CLCA4: variants seen among roughly 807,000 people sequenced by gnomAD.
The protein encoded by CLCA4 is chloride channel accessory 4.
Under a neutral mutation model 78.9 loss-of-function variants are expected in CLCA4, and 69 were observed. That is an observed-to-expected ratio of 0.87 (90% CI 0.72 to 1.07). The LOEUF is 1.07. Ranked by LOEUF, CLCA4 falls within the 50% of genes least tolerant of loss-of-function variation. CLCA4 has a pLI of 0.00. For synonymous variants in CLCA4, 362 were observed against 375.8 expected (o/e 0.96, Z 0.42); for missense variants, 1,133 against 1,095.8 (o/e 1.03, Z -0.48).
chr1:86,571,418 C>G (rs1438368206), intron 8 of CLCA4, 164 bp downstream of exon 8: 2 of 543,058 alleles, frequency 3.7e-6, no homozygotes, highest in Admixed American at 3.2e-5. Flanking sequence ...GCTGGAGAGA[C>G]AAATAAAACT....
In CLCA4 at chr1:86,566,023, A is replaced by C. The variant is rs762469356; in HGVS notation, c.954+3A>C. The C allele has an allele frequency of 3.9e-5, 63 of 1,609,504 alleles. 1 individual carries two copies. The highest frequency in any genetic ancestry group is 4.9e-5 in the Non-Finnish European group (58 of 1,176,818). On this transcript the variant is annotated splice_donor_region_variant and intron_variant, in intron 6 of 13. Transcript: ENST00000370563. Reference sequence around the variant, plus strand: ...TTGATAAGTCTGGAAGCATGGGGGTAAGATCACTTTTTCTGGATATAGGGA... The same window carrying C: ...TTGATAAGTCTGGAAGCATGGGGGTCAGATCACTTTTTCTGGATATAGGGA...
In CLCA4 at chr1:86,565,896, G is replaced by T. The variant is rs758951749; in HGVS notation, c.830G>T (p.Ser277Ile). Residue 277 changes from serine to isoleucine, a missense_variant, in exon 6 of 14, where the codon AGC becomes ATC. Ser to Ile is a moderately radical substitution (Grantham distance 142). Coordinates refer to ENST00000370563, the MANE Select transcript of CLCA4 (RefSeq NM_012128.4). ...CNFRSTWEVISNSEDFKNTIP... is the reference protein window; with the variant it reads ...CNFRSTWEVIINSEDFKNTIP... ...TTTAGAAGTACATGGGAGGTGATTA[G>T]CAATTCTGAGGATTTTAAAAACACC... 6.2e-7 allele frequency: 1 copy of T among 1,612,186 alleles called. No homozygotes were observed. Among genetic ancestry groups the T allele is most frequent in the Non-Finnish European group, 8.5e-7 (1 of 1,178,544 alleles).
At chr1:86,552,662 A>G in intron 1 of CLCA4, 1 of 864,910 alleles carries the variant, frequency 1.2e-6, no homozygotes, top group Non-Finnish European at 1.9e-6. Flanking sequence ...CAGCTCGCCC[A>G]GATCGGACTT....
At chr1:86,561,080 G>A (rs760323587) in intron 3 of CLCA4, among the ~76,000 whole-genome samples, 55 of 152,124 alleles carry the variant, frequency 3.6e-4, no homozygotes, top group Non-Finnish European at 1.3e-4. Flanking sequence ...TTGAACACTC[G>A]TTAAGTCTCT....
rs2839932 is a variant in CLCA4, at chr1:86,571,222, A to T, written c.1328A>T (p.Asp443Val). ...VHFIALGRAA[D>V]EAVIEMSKIT... ...TTTATTGCTTTGGGAAGAGCTGCTG[A>T]TGAAGCAGTAATAGAGATGAGCAAG... Residue 443 changes from aspartate to valine, a missense_variant, in exon 8 of 14, where the codon GAT becomes GTT. Transcript: ENST00000370563. The T allele has an allele frequency of 2.5e-6, 4 of 1,612,558 alleles. No individual in the cohort carries two copies. The highest frequency in any genetic ancestry group is 2.5e-6 in the Non-Finnish European group (3 of 1,179,020).
chr1:86,575,204 T>G, intron 10 of CLCA4, 128 bp from the exon 11 acceptor site: 1 of 811,566 alleles, frequency 1.2e-6, no homozygotes, highest in Non-Finnish European at 1.9e-6. Context: ...CCTTACCCAT[T>G]TATCCTCAAC....
chr1:86,560,387 G>T (rs1357061025), intron 3 of CLCA4, 29 bp downstream of exon 3: 7 of 1,609,830 alleles, frequency 4.3e-6, no homozygotes, highest in South Asian at 1.1e-5. Flanking sequence ...AAATAATTTT[G>T]CAGTGATTGC....
intron 1 of CLCA4, among the ~76,000 whole-genome samples, chr1:86,550,167 A>G (rs1570316267): frequency 6.6e-6 from 1 of 152,320 alleles, no homozygotes; most frequent in Middle Eastern, 3.4e-3. Flanking sequence ...AGTTGTAATC[A>G]AGTGATTTTG....
At chr1:86,551,175 G>A (rs1649650966) in intron 1 of CLCA4, among the ~76,000 whole-genome samples, 2 of 151,986 alleles carry the variant, frequency 1.3e-5, no homozygotes, top group African/African-American at 4.8e-5. Flanking sequence ...TCCAAAATGA[G>A]TTTGTGTACC....
At chr1:86,556,614 A>C (rs1197705649) in intron 1 of CLCA4, among the ~76,000 whole-genome samples, 3 of 151,994 alleles carry the variant, frequency 2.0e-5, no homozygotes, top group Non-Finnish European at 2.9e-5. Context: ...TTTTTGCATC[A>C]ATGTTCATAA....
Position 86,575,529 on chromosome 1 carries a change from C to T in CLCA4, c.1881C>T (p.Ala627=), listed in dbSNP as rs765124907. Residue 627 remains alanine, a synonymous_variant, in exon 11 of 14, where the codon GCC becomes GCT. Transcript: ENST00000370563. The stretch of plus-strand genomic sequence containing the variant: ...AAGGATATGTACCTGTTCTTGGAGC[C>T]AATGTGACTGCTTTCATTGAATCAC... ...ILQGYVPVLG[A]NVTAFIESQN... The T allele has an allele frequency of 3.7e-6, 6 of 1,613,154 alleles. No homozygotes were observed. The highest frequency in any genetic ancestry group is 5.1e-6 in the Non-Finnish European group (6 of 1,179,462).
At position 86,560,371 on chromosome 1, in the gene CLCA4, G is replaced by A; in HGVS notation, c.448+13G>A. 6.2e-7 allele frequency: 1 copy of A among 1,612,948 alleles called. No homozygotes were observed. Among genetic ancestry groups the A allele is most frequent in the Non-Finnish European group, 8.5e-7 (1 of 1,179,552 alleles). On this transcript the variant is annotated intron_variant, in intron 3 of 13. Coordinates refer to ENST00000370563, the MANE Select transcript of CLCA4 (RefSeq NM_012128.4). ...TATGGACCACCAGGTAGAAATTTTGGTTAAAAAATAATTTTGCAGTGATTG... is the reference window on the plus strand; with the variant it reads ...TATGGACCACCAGGTAGAAATTTTGATTAAAAAATAATTTTGCAGTGATTG...
chr1:86,563,410 A>G (rs779086241), intron 3 of CLCA4, among the ~76,000 whole-genome samples: 2 of 151,898 alleles, frequency 1.3e-5, no homozygotes, highest in Non-Finnish European at 2.9e-5. Context: ...CACTCAGCCC[A>G]TAGCATATCC....
At position 86,580,542 on chromosome 1, in the gene CLCA4, A is replaced by G. The variant is rs1409325705; in HGVS notation, c.*197A>G. 4.9e-6 allele frequency: 2 copies of G among 405,992 alleles called. No individual in the cohort carries two copies. Among genetic ancestry groups the G allele is most frequent in the Non-Finnish European group, 8.6e-6 (2 of 233,308 alleles). The allele number at this position is 405,992 out of a possible 1,614,324, so 25.1% of individuals were successfully genotyped here. ...TCATGGATATGTAAAAACTGTCAAG[A>G]TTAAAATTTAATAGTTTCATTTATT... On this transcript the variant is annotated 3_prime_UTR_variant, in exon 14 of 14. Transcript: ENST00000370563.
intron 7 of CLCA4, among the ~76,000 whole-genome samples, chr1:86,568,078 T>C (rs1570330582): frequency 6.6e-6 from 1 of 151,982 alleles, no homozygotes; most frequent in Non-Finnish European, 1.5e-5. Context: ...CTATTTATTA[T>C]ACCTCTTAAA....
intron 4 of CLCA4, among the ~76,000 whole-genome samples, chr1:86,564,201 C>A (rs1476360299): frequency 6.6e-6 from 1 of 152,050 alleles, no homozygotes; most frequent in African/African-American, 2.4e-5. Flanking sequence ...TTTATAATGC[C>A]GTCTAGCATC....
At position 86,560,084 on chromosome 1, in the gene CLCA4, A is replaced by C. The variant is rs1649970466; in HGVS notation, c.300+12A>C. The C allele has an allele frequency of 3.8e-6, 6 of 1,570,316 alleles. No individual in the cohort carries two copies. The highest frequency in any genetic ancestry group is 5.2e-6 in the Non-Finnish European group (6 of 1,164,510). Reference sequence around the variant, plus strand: ...AAAACCATAAACATGTAAGTGTCGAAATATTCTCTTAAAAAATTATATTTT... The same window carrying C: ...AAAACCATAAACATGTAAGTGTCGACATATTCTCTTAAAAAATTATATTTT... On this transcript the variant is annotated intron_variant, in intron 2 of 13. Coordinates refer to ENST00000370563, the MANE Select transcript of CLCA4 (RefSeq NM_012128.4).
intron 1 of CLCA4, among the ~76,000 whole-genome samples, chr1:86,558,004 T>A (rs2101796579): frequency 6.6e-6 from 1 of 152,222 alleles, no homozygotes; most frequent in East Asian, 1.9e-4. Context: ...GAAATTAGGA[T>A]TACAACCCCT....
In CLCA4 at chr1:86,579,382, T is replaced by A. The variant is rs185369520; in HGVS notation, c.2151T>A (p.Pro717=). The A allele has an allele frequency of 2.0e-4, 322 of 1,613,052 alleles. No individual in the cohort carries two copies. In the East Asian group the frequency reaches 6.7e-3, roughly 33 times the overall value. The part of the protein sequence containing the change: ...NGEIEANPPR[P]EIDEDTQTTL... ...AAATTGAAGCAAACCCGCCAAGACCTGAAATTGATGAGGATACTCAGACCA... is the reference window on the plus strand; with the variant it reads ...AAATTGAAGCAAACCCGCCAAGACCAGAAATTGATGAGGATACTCAGACCA... The change falls in exon 13 of 14, where the codon CCT becomes CCA. Residue 717 remains proline, a synonymous_variant. Transcript: ENST00000370563.
Sources: gnomAD v4.1 joint callset for allele counts (sites outside exome capture counted in the v4.1 genomes callset) on GRCh38, gnomAD v4.1.1 for gene constraint, MANE v1.5 for transcripts, NCBI Gene and HGNC (gene_info 2026-07-23, HGNC 2026-07-21) for gene names.